The following KRT5 variants were observed in gnomAD, a reference collection of about 807,000 sequenced individuals.
The protein encoded by KRT5 is keratin, type II cytoskeletal 5.
In KRT5, 17 loss-of-function variants were observed where a neutral mutation model predicts 44.0. That is an observed-to-expected ratio of 0.39 (90% CI 0.26 to 0.58). KRT5 has a LOEUF of 0.58. Among genes scored for constraint, KRT5 ranks in the 20% least tolerant of loss-of-function variants. The pLI is 0.61. For missense variants in KRT5, 737 were observed against 785.5 expected (o/e 0.94, Z 0.74); for synonymous variants, 329 against 312.8 (o/e 1.05, Z -0.55).
rs57348201 is a variant in KRT5, at chr12:52,516,662, T to G, written c.1414A>C (p.Lys472Gln). 1.2e-6 allele frequency: 2 copies of G among 1,614,014 alleles called. No individual in the cohort carries two copies. The highest frequency in any genetic ancestry group is 1.7e-6 in the Non-Finnish European group (2 of 1,180,028). The change falls in exon 7 of 9, where the codon AAG (lysine) becomes CAG (glutamine). Residue 472 changes from lysine to glutamine, a missense_variant. Transcript: ENST00000252242. ...CTGCATTCCTCGCCCTCCAGCAGCT[T>G]GCGGTAAGTGGCGATCTCCACGTCC... ...ALDVEIATYR[K>Q]LLEGEECRLS...
At chr12:52,518,317 G>T in intron 2 of KRT5, 154 bp from the exon 3 acceptor site, 3 of 739,822 alleles carry the variant, frequency 4.1e-6, no homozygotes, top group Non-Finnish European at 2.5e-6. Flanking sequence ...TGAACCTCTG[G>T]CCAAGGTCCC....
intron 6 of KRT5, 71 bp downstream of exon 6, chr12:52,517,035 CA>C: frequency 1.9e-6 from 3 of 1,599,106 alleles, no homozygotes; most frequent in Non-Finnish European, 2.6e-6. Flanking sequence ...AAAAGTAAAA[CA>C]AAATAAAACA....
In KRT5 at chr12:52,520,043, T is replaced by C. The variant is rs756129437; in HGVS notation, c.254A>G (p.Asn85Ser). The C allele has an allele frequency of 1.9e-6, 3 of 1,613,612 alleles. No individual in the cohort carries two copies. Among genetic ancestry groups the C allele is most frequent in the Non-Finnish European group, 2.5e-6 (3 of 1,179,924 alleles). The part of the protein sequence containing the change: ...SISTSGGSFR[N>S]RFGAGAGGGY... ...GCCTCCAGCACCAGCACCAAACCGGTTCCTGAAGCTGCCACCACTAGTGCT... is the reference window on the plus strand; with the variant it reads ...GCCTCCAGCACCAGCACCAAACCGGCTCCTGAAGCTGCCACCACTAGTGCT... The change falls in exon 1 of 9, where the codon AAC (asparagine) becomes AGC (serine). Residue 85 changes from asparagine to serine, a missense_variant. Asn to Ser is a conservative substitution (Grantham distance 46). This residue lies in a region of KRT5 where 326 missense variants were observed against 333.1 expected (regional missense o/e 0.98). Coordinates refer to ENST00000252242, the MANE Select transcript of KRT5 (RefSeq NM_000424.4).
Position 52,520,263 on chromosome 12 carries a change from C to A in KRT5, c.34G>T (p.Gly12Trp), listed in dbSNP as rs751876144. ...SRQSSVSFRS[G>W]GSRSFSTASA... ...GCGGTGCTGAAGCTACGACTGCCCCCGCTCCGGAAGGACACACTTGACTGG... is the reference window on the plus strand; with the variant it reads ...GCGGTGCTGAAGCTACGACTGCCCCAGCTCCGGAAGGACACACTTGACTGG... Residue 12 changes from glycine (G) to tryptophan (W), a missense_variant, in exon 1 of 9, where the codon GGG (glycine) becomes TGG (tryptophan). Coordinates refer to ENST00000252242, the MANE Select transcript of KRT5 (RefSeq NM_000424.4). The A allele has an allele frequency of 2.4e-5, 38 of 1,613,674 alleles. No individual in the cohort carries two copies. In the South Asian group the frequency reaches 2.9e-4, roughly 12 times the overall value.
Position 52,516,627 on chromosome 12 carries a change from G to C in KRT5, c.1439+10C>G, listed in dbSNP as rs1467729261. On this transcript the variant is annotated intron_variant, in intron 7 of 8. Coordinates refer to ENST00000252242, the MANE Select transcript of KRT5 (RefSeq NM_000424.4). ...CTGAAGGCCATCTTGAGTTCATGCT[G>C]TCTACTCACCTGCATTCCTCGCCCT... The C allele has an allele frequency of 5.0e-6, 8 of 1,613,728 alleles. 1 individual carries two copies. The South Asian group carries it at 5.5e-5, about 11-fold the overall frequency.
intron 7 of KRT5, 26 bp from the exon 8 acceptor site, chr12:52,515,858 G>A: frequency 1.2e-6 from 2 of 1,605,176 alleles, no homozygotes; most frequent in Non-Finnish European, 1.7e-6. Flanking sequence ...TTGAATTAAG[G>A]GTTAACAGCT....
intron 1 of KRT5, 90 bp from the exon 2 acceptor site, chr12:52,519,250 C>T: frequency 1.9e-6 from 3 of 1,553,920 alleles, no homozygotes; most frequent in South Asian, 2.3e-5. Context: ...CTTTCCGTCC[C>T]TCTAAAGCTT....
chr12:52,515,680 A>G (rs536417351), intron 8 of KRT5, 118 bp downstream of exon 8: 1 of 842,080 alleles, frequency 1.2e-6, no homozygotes, highest in African/African-American at 1.7e-5. Context: ...GTGTATTATT[A>G]TAAATAACCA....
Position 52,519,008 on chromosome 12 carries a change from T to C in KRT5, c.708A>G (p.Glu236=), listed in dbSNP as rs150726879. ...TCAGCTCTGAGTCCAGGCGGCCCCG[T>C]TCCCCCACGATGCTGTCCAGCTGCC... ...LRRQLDSIVG[E]RGRLDSELRN... Residue 236 remains glutamate (E), a synonymous_variant, in exon 2 of 9, where the codon GAA becomes GAG. Coordinates refer to ENST00000252242, the MANE Select transcript of KRT5 (RefSeq NM_000424.4). 2 of 1,614,166 alleles carry C rather than the reference T, an allele frequency of 1.2e-6. No homozygotes were observed. Among genetic ancestry groups the C allele is most frequent in the African/African-American group, 2.7e-5 (2 of 75,040 alleles).
chr12:52,517,058 T>G (rs1592193888), intron 6 of KRT5, 49 bp downstream of exon 6: 1 of 1,611,792 alleles, frequency 6.2e-7, no homozygotes, highest in South Asian at 1.1e-5. Context: ...AGTAGGTGTT[T>G]CTTTTAGAAC....
chr12:52,515,432 G>A, intron 8 of KRT5, 192 bp from the exon 9 acceptor site: 2 of 730,080 alleles, frequency 2.7e-6, no homozygotes, highest in Non-Finnish European at 4.7e-6. Flanking sequence ...AAGGTGCTAG[G>A]TACTGAGAGG....
intron 7 of KRT5, chr12:52,516,155 C>T: frequency 8.3e-6 from 4 of 483,168 alleles, no homozygotes; most frequent in Non-Finnish European, 1.5e-5. Flanking sequence ...TGTGAGAGAA[C>T]TTGGCACGGA....
rs368040858 is a variant in KRT5 at position 52,516,777 on chromosome 12, G to T, written c.1299C>A (p.Ala433=). The change falls in exon 7 of 9, where the codon GCC becomes GCA. Residue 433 remains alanine (A), a synonymous_variant. Coordinates refer to ENST00000252242, the MANE Select transcript of KRT5 (RefSeq NM_000424.4). Reference sequence around the variant, plus strand: ...CCTTCTGCAGGGCCTCCTCCAGCTCGGCCAGCTTGTTCCTGGCATCCTTGA... The same window carrying T: ...CCTTCTGCAGGGCCTCCTCCAGCTCTGCCAGCTTGTTCCTGGCATCCTTGA... The part of the protein sequence containing the change: ...LALKDARNKL[A]ELEEALQKAK... 2 of 1,614,162 alleles carry T rather than the reference G, an allele frequency of 1.2e-6. No homozygotes were observed. Among genetic ancestry groups the T allele is most frequent in the East Asian group, 2.2e-5 (1 of 44,866 alleles).
At chr12:52,517,833 T>C (rs752269196) in intron 4 of KRT5, 64 bp downstream of exon 4, 48 of 1,608,858 alleles carry the variant, frequency 3.0e-5, no homozygotes, top group Non-Finnish European at 3.8e-5. Flanking sequence ...CTTTCACTCA[T>C]TGTGATATGA....
chr12:52,517,853 G>GA (rs749037713), intron 4 of KRT5, 44 bp downstream of exon 4: 1,161 of 1,607,636 alleles, frequency 7.2e-4, no homozygotes, highest in Admixed American at 1.0e-3. Context: ...ACAACTTGAG[G>GA]AAAAAAAACC....
intron 2 of KRT5, among the ~76,000 whole-genome samples, chr12:52,518,687 C>T (rs1938658238): frequency 1.3e-5 from 2 of 152,182 alleles, no homozygotes; most frequent in African/African-American, 2.4e-5. Flanking sequence ...GCAGATTTCA[C>T]CAGGTAGTGC....
rs376691972 is a variant in KRT5 at position 52,519,976 on chromosome 12, G to A, written c.321C>T (p.Phe107=). 9.9e-6 allele frequency: 16 copies of A among 1,612,190 alleles called. No individual in the cohort carries two copies. The highest frequency in any genetic ancestry group is 5.4e-5 in the African/African-American group (4 of 74,744). ...FGGGAGSGFG[F]GGGAGGGFGL... is the part of the protein sequence containing the mutation. The stretch of plus-strand genomic sequence containing the variant: ...CAAAGCCACCACCAGCTCCACCGCC[G>A]AAACCAAATCCACTACCGGCACCAC... The change falls in exon 1 of 9, where the codon TTC becomes TTT. Residue 107 remains phenylalanine (F), a synonymous_variant. Transcript: ENST00000252242.
At chr12:52,516,536 G>A (rs373956161) in intron 7 of KRT5, 101 bp downstream of exon 7, 15 of 1,153,664 alleles carry the variant, frequency 1.3e-5, no homozygotes, top group East Asian at 9.4e-5. Context: ...TCATTATCAC[G>A]CACAAGTCAC....
chr12:52,519,635 T>C (rs1317589005), intron 1 of KRT5, 107 bp downstream of exon 1: 12 of 1,197,024 alleles, frequency 1.0e-5, no homozygotes, highest in Admixed American at 1.7e-5. Context: ...CACAGAACTG[T>C]ACAACTATAA....
Sources: allele counts gnomAD v4.1 joint callset (sites outside exome capture counted in the v4.1 genomes callset), GRCh38; gene constraint gnomAD v4.1.1; regional missense constraint gnomAD v4.1.1; transcripts MANE v1.5; gene names NCBI Gene and HGNC (gene_info 2026-07-23, HGNC 2026-07-21).